The following LRRC28 variants were observed in gnomAD, a reference collection of about 807,000 sequenced individuals.
LRRC28 encodes leucine rich repeat containing 28.
In LRRC28, 39 loss-of-function variants were observed where a neutral mutation model predicts 45.7. The observed-to-expected ratio is 0.85, with a 90% CI of 0.66 to 1.12. The LOEUF (loss-of-function observed/expected upper bound fraction) is 1.12. Ranked by LOEUF, LRRC28 falls within the 50% of genes most tolerant of loss-of-function variation. The pLI, the probability that LRRC28 is intolerant of heterozygous loss-of-function variation, is 0.00. For missense variants in LRRC28, 435 were observed against 438.5 expected (o/e 0.99, Z 0.07); for synonymous variants, 206 against 178.8 (o/e 1.15, Z -1.22).
chr15:99,365,240 A>G (rs1957308685), intron 9 of LRRC28, among the ~76,000 whole-genome samples: 1 of 152,262 alleles, frequency 6.6e-6, no homozygotes, highest in African/African-American at 2.4e-5. Flanking sequence ...TTAGAAATGT[A>G]GTGTGACTAA....
intron 7 of LRRC28, among the ~76,000 whole-genome samples, chr15:99,353,373 C>T (rs557719077): frequency 7.2e-5 from 11 of 152,316 alleles, no homozygotes; most frequent in South Asian, 2.1e-4. Context: ...CCATTCCCCC[C>T]GTTGGTATAG....
intron 5 of LRRC28, among the ~76,000 whole-genome samples, chr15:99,319,429 G>A (rs1211344345): frequency 6.6e-6 from 1 of 152,116 alleles, no homozygotes; most frequent in African/African-American, 2.4e-5. Context: ...CTAACTTTTA[G>A]AATAAATGCT....
intron 5 of LRRC28, among the ~76,000 whole-genome samples, chr15:99,300,913 A>T (rs180759941): frequency 6.6e-6 from 1 of 152,198 alleles, no homozygotes; most frequent in Non-Finnish European, 1.5e-5. Context: ...CTGTGGTGCT[A>T]TTCTTCTTTT....
chr15:99,296,289 C>G (rs1597272471), intron 5 of LRRC28, among the ~76,000 whole-genome samples: 1 of 152,204 alleles, frequency 6.6e-6, no homozygotes, highest in Non-Finnish European at 1.5e-5. Context: ...CTGGTTTCCT[C>G]ATCACTTCCA....
chr15:99,361,039 TAA>T, intron 7 of LRRC28: 1 of 218,022 alleles, frequency 4.6e-6, no homozygotes, highest in Non-Finnish European at 8.9e-6. Context: ...TTGGGAAAAG[TAA>T]AATTTACAAA....
intron 7 of LRRC28, among the ~76,000 whole-genome samples, chr15:99,359,925 G>A (rs1395181120): frequency 6.6e-6 from 1 of 152,040 alleles, no homozygotes; most frequent in African/African-American, 2.4e-5. Context: ...GTTTATCTCA[G>A]GCTCTCATTT....
chr15:99,343,694 A>G (rs1445788177), intron 6 of LRRC28, among the ~76,000 whole-genome samples: 2 of 152,202 alleles, frequency 1.3e-5, no homozygotes, highest in South Asian at 4.1e-4. Flanking sequence ...TGCGTGATGT[A>G]TCTATTGTAA....
At chr15:99,384,799 G>C (rs1957932797) in intron 9 of LRRC28, 1 of 152,246 alleles carries the variant, frequency 6.6e-6, no homozygotes, top group Admixed American at 6.5e-5. Context: ...AGCCATTCGT[G>C]TACTCGCCAG....
chr15:99,350,129 C>T (rs1186467814), intron 6 of LRRC28, among the ~76,000 whole-genome samples: 1 of 132,092 alleles, frequency 7.6e-6, no homozygotes, highest in Non-Finnish European at 1.6e-5. Flanking sequence ...GGCGACAGAG[C>T]GAGACTCCGT....
chr15:99,304,019 C>T (rs181699315), intron 5 of LRRC28, among the ~76,000 whole-genome samples: 38 of 152,278 alleles, frequency 2.5e-4, no homozygotes, highest in Non-Finnish European at 4.4e-4. Flanking sequence ...GACTCAGTAT[C>T]AGATAACCTG....
intron 5 of LRRC28, among the ~76,000 whole-genome samples, chr15:99,305,932 G>A (rs973582470): frequency 3.3e-5 from 5 of 152,132 alleles, no homozygotes; most frequent in African/African-American, 1.2e-4. Context: ...CAGTATTTTA[G>A]TACCAGTCAT....
intron 2 of LRRC28, among the ~76,000 whole-genome samples, chr15:99,270,233 A>G (rs2081438908): frequency 6.6e-6 from 1 of 152,238 alleles, no homozygotes; most frequent in Admixed American, 6.5e-5. Flanking sequence ...TTCAGTGCCA[A>G]GACTTCATTA....
intron 9 of LRRC28, among the ~76,000 whole-genome samples, chr15:99,385,783 A>G (rs948592103): frequency 6.6e-6 from 1 of 151,772 alleles, no homozygotes; most frequent in Non-Finnish European, 1.5e-5. Flanking sequence ...TTTAGGGATA[A>G]TATATCTTCT....
At chr15:99,356,123 G>A (rs975813560) in intron 7 of LRRC28, among the ~76,000 whole-genome samples, 11 of 152,058 alleles carry the variant, frequency 7.2e-5, no homozygotes, top group African/African-American at 1.7e-4. Context: ...AAGTGTTAGC[G>A]GAATATAAGA....
intron 2 of LRRC28, chr15:99,257,794 C>G: frequency 1.3e-6 from 1 of 780,360 alleles, no homozygotes; most frequent in Non-Finnish European, 2.4e-6. Context: ...GAGGAAGAAG[C>G]TATTCAGTTG....
chr15:99,267,872 A>G (rs549750744), intron 2 of LRRC28, among the ~76,000 whole-genome samples: 12 of 152,310 alleles, frequency 7.9e-5, no homozygotes, highest in African/African-American at 2.4e-4. Flanking sequence ...AGCCTCTCAC[A>G]TGTCATAATG....
At chr15:99,255,235 A>C (rs1250830295) in intron 1 of LRRC28, among the ~76,000 whole-genome samples, 1 of 151,508 alleles carries the variant, frequency 6.6e-6, no homozygotes, top group Admixed American at 6.6e-5. Context: ...GGTGCTCTCT[A>C]TAGTACCAGC....
chr15:99,342,403 A>G (rs766527393), intron 6 of LRRC28, among the ~76,000 whole-genome samples: 3 of 152,182 alleles, frequency 2.0e-5, no homozygotes, highest in East Asian at 1.9e-4. Context: ...GCGCCTTTCA[A>G]TCCCAGCTCT....
intron 6 of LRRC28, among the ~76,000 whole-genome samples, chr15:99,343,937 A>T (rs534933587): frequency 4.6e-5 from 7 of 152,238 alleles, no homozygotes; most frequent in Admixed American, 2.0e-4. Context: ...CCTTCTGGCC[A>T]GGTTCACGCT....
Sources: gnomAD v4.1 joint callset for allele counts (sites outside exome capture counted in the v4.1 genomes callset) on GRCh38, gnomAD v4.1.1 for gene constraint, MANE v1.5 for transcripts, NCBI Gene and HGNC (gene_info 2026-07-23, HGNC 2026-07-21) for gene names.